The following NEK10 variants were observed in gnomAD, a reference collection of about 807,000 sequenced individuals.
The protein encoded by NEK10 is serine/threonine-protein kinase Nek10.
A neutral mutation model predicts 159.8 loss-of-function variants in NEK10; 122 were observed. That is an observed-to-expected ratio of 0.76 (90% confidence interval 0.66 to 0.89). NEK10 has a LOEUF of 0.89. Among genes scored for constraint, NEK10 ranks in the 40% least tolerant of loss-of-function variants. NEK10 has a pLI of 0.00. For synonymous variants in NEK10, 466 were observed against 457.1 expected, an observed-to-expected ratio of 1.02 and a Z score of -0.25; for missense variants, 1,342 against 1,323.1, an observed-to-expected ratio of 1.01 and a Z score of -0.22.
intron 3 of NEK10, among the ~76,000 whole-genome samples, chr3:27,349,428 T>C (rs2047807783): frequency 6.6e-6 from 1 of 152,126 alleles, no homozygotes; most frequent in Non-Finnish European, 1.5e-5. Context: ...AGCTATATGC[T>C]CACTGCATGC....
rs1941897832 is a variant in NEK10, at chr3:27,125,971, G to C, written c.3081+5909C>G. Among the ~76,000 whole-genome samples, 4 of 152,178 alleles carry C rather than the reference G, an allele frequency of 2.6e-5. No individual in the cohort carries two copies. In the South Asian group the frequency reaches 8.3e-4, roughly 31 times the overall value. On this transcript the variant is annotated intron_variant, in intron 32 of 35. Transcript: ENST00000691995. ...ACGGTGGCTTGACCTGGCTGGGAAGGAGAGCCCTGCTATAGGAGCTTCTCT... is the reference window on the plus strand; with the variant it reads ...ACGGTGGCTTGACCTGGCTGGGAAGCAGAGCCCTGCTATAGGAGCTTCTCT...
chr3:27,363,840 T>C (rs1344227671), intron 1 of NEK10: 1 of 152,168 alleles, frequency 6.6e-6, no homozygotes, highest in African/African-American at 2.4e-5. Flanking sequence ...CTTCTGGTTA[T>C]ACCACTGGAA....
At chr3:27,322,595 C>G (rs2045727398) in intron 5 of NEK10, among the ~76,000 whole-genome samples, 1 of 152,088 alleles carries the variant, frequency 6.6e-6, no homozygotes, top group African/African-American at 2.4e-5. Flanking sequence ...GAATTTACGC[C>G]ATAACCAATT....
At chr3:27,129,273 G>C (rs112716564) in intron 32 of NEK10, among the ~76,000 whole-genome samples, 2 of 152,124 alleles carry the variant, frequency 1.3e-5, no homozygotes, top group South Asian at 4.1e-4. Context: ...TAGGCTATTA[G>C]TAAGTAGGCA....
Position 27,116,015 on chromosome 3 carries a change from G to T in NEK10, c.3244-20C>A, listed in dbSNP as rs1042356696. ...CACAGTCTAAAATTTTAAAAATCAGGTTAGTATTGAATTAGAAGTAACAAA... is the reference window on the plus strand; with the variant it reads ...CACAGTCTAAAATTTTAAAAATCAGTTTAGTATTGAATTAGAAGTAACAAA... On this transcript the variant is annotated intron_variant, in intron 34 of 35. Coordinates refer to ENST00000691995, the MANE Select transcript of NEK10 (RefSeq NM_001394966.1). 6.2e-7 allele frequency: 1 copy of T among 1,612,380 alleles called. No homozygotes were observed. Among genetic ancestry groups the T allele is most frequent in the Non-Finnish European group, 8.5e-7 (1 of 1,178,758 alleles).
chr3:27,324,399 A>G (rs1433177927), intron 5 of NEK10, among the ~76,000 whole-genome samples: 1 of 152,188 alleles, frequency 6.6e-6, no homozygotes, highest in Non-Finnish European at 1.5e-5. Context: ...TTTGATAGTC[A>G]GCATGTCTGA....
intron 23 of NEK10, among the ~76,000 whole-genome samples, chr3:27,205,594 A>C (rs1191545599): frequency 7.3e-6 from 1 of 137,834 alleles, no homozygotes; most frequent in African/African-American, 3.0e-5. Context: ...CCTGAGAAAA[A>C]CAAGCAATGT....
At chr3:27,213,054 C>G (rs1306947087) in intron 23 of NEK10, among the ~76,000 whole-genome samples, 25 of 152,188 alleles carry the variant, frequency 1.6e-4, no homozygotes, top group Admixed American at 1.6e-3. Context: ...GGGGATACAC[C>G]AAGTAACCAA....
At chr3:27,346,990 T>A (rs1051414115) in intron 3 of NEK10, among the ~76,000 whole-genome samples, 3 of 152,218 alleles carry the variant, frequency 2.0e-5, no homozygotes, top group African/African-American at 7.2e-5. Flanking sequence ...CTAAGGTTTC[T>A]GATAACACAA....
At chr3:27,322,146 TAAA>T in intron 6 of NEK10, 28 bp downstream of exon 6, 2 of 999,038 alleles carry the variant, frequency 2.0e-6, no homozygotes, top group Non-Finnish European at 2.9e-6. Context: ...TTATAACAAG[TAAA>T]AAAAAAAATT....
At chr3:27,245,142 T>A (rs1167904772) in intron 23 of NEK10, among the ~76,000 whole-genome samples, 4 of 152,212 alleles carry the variant, frequency 2.6e-5, no homozygotes, top group Admixed American at 1.3e-4. Flanking sequence ...CAGGCTGCTA[T>A]ACTTCATTCT....
intron 30 of NEK10, among the ~76,000 whole-genome samples, chr3:27,158,019 ATAGTG>A (rs1484768521): frequency 6.6e-6 from 1 of 152,182 alleles, no homozygotes; most frequent in Non-Finnish European, 1.5e-5. Flanking sequence ...TAGACTTAGT[ATAGTG>A]TAAACATAAC....
intron 3 of NEK10, among the ~76,000 whole-genome samples, chr3:27,351,577 T>G (rs2047975256): frequency 6.6e-6 from 1 of 152,136 alleles, no homozygotes; most frequent in Non-Finnish European, 1.5e-5. Flanking sequence ...CGAACTATCA[T>G]TATTTGGCTT....
chr3:27,351,757 G>C (rs1478614618), intron 3 of NEK10, among the ~76,000 whole-genome samples: 1 of 151,974 alleles, frequency 6.6e-6, no homozygotes, highest in Non-Finnish European at 1.5e-5. Context: ...AGACTACCAG[G>C]GTTCAAGTCC....
chr3:27,123,086 A>T (rs1236652677), intron 32 of NEK10, among the ~76,000 whole-genome samples: 1 of 152,158 alleles, frequency 6.6e-6, no homozygotes, highest in African/African-American at 2.4e-5. Flanking sequence ...GTTTTAGCAA[A>T]CTATTTTTTG....
At chr3:27,300,214 G>A (rs9881885) in intron 13 of NEK10, among the ~76,000 whole-genome samples, 2,443 of 152,262 alleles carry the variant, frequency 0.016, 41 homozygotes, top group East Asian at 0.063. Context: ...GGTCTTTCCT[G>A]TGCTGTTCTC....
intron 25 of NEK10, among the ~76,000 whole-genome samples, chr3:27,199,822 G>A (rs1223134252): frequency 1.3e-5 from 2 of 152,082 alleles, no homozygotes; most frequent in Non-Finnish European, 2.9e-5. Flanking sequence ...CATGGCTGGA[G>A]CTGGAGGCCA....
intron 25 of NEK10, among the ~76,000 whole-genome samples, chr3:27,200,593 A>C (rs1487092365): frequency 6.6e-6 from 1 of 152,238 alleles, no homozygotes; most frequent in Non-Finnish European, 1.5e-5. Context: ...TAAAAGCTAC[A>C]AATTAACTGA....
intron 23 of NEK10, among the ~76,000 whole-genome samples, chr3:27,251,188 T>C (rs1269879062): frequency 1.3e-5 from 2 of 152,164 alleles, no homozygotes; most frequent in Non-Finnish European, 2.9e-5. Context: ...AAACTCTCAA[T>C]AGCCGATCTA....
Sources: allele counts gnomAD v4.1 joint callset (sites outside exome capture counted in the v4.1 genomes callset), GRCh38; gene constraint gnomAD v4.1.1; transcripts MANE v1.5; gene names NCBI Gene and HGNC (gene_info 2026-07-23, HGNC 2026-07-21).